The following GLUL variants were observed in gnomAD, a reference collection of about 807,000 sequenced individuals.
The protein encoded by GLUL is glutamate-ammonia ligase.
Under a neutral mutation model 36.9 loss-of-function variants are expected in GLUL, and 8 were observed. That is an observed-to-expected ratio of 0.22 (90% confidence interval 0.13 to 0.39). GLUL has a LOEUF of 0.39. GLUL is among the 10% of genes least tolerant of loss of function. The probability of loss-of-function intolerance (pLI) is 1.00; values close to 1 mark genes in which losing one functional copy is unlikely to be tolerated. For synonymous variants in GLUL, 182 were observed against 172.8 expected (o/e 1.05, Z -0.42); for missense variants, 315 against 501.8 (o/e 0.63, Z 3.56).
Position 182,391,446 on chromosome 1 carries a change from C to G in GLUL, c.-14+233G>C, listed in dbSNP as rs1650413473. ...CAACTCACCCCGCCCTTCCCAGAGC[C>G]TGGCCAAGGGCGCGCCCCACCAGCG... is the stretch of plus-strand genomic sequence containing the variant. On this transcript the variant is annotated intron_variant, in intron 1 of 6. Transcript: ENST00000331872. 8 of 382,602 alleles carry G rather than the reference C, an allele frequency of 2.1e-5. No homozygotes were observed. The South Asian group carries it at 1.2e-3, about 55-fold the overall frequency. The allele number at this position is 382,602 out of a possible 1,614,324, so 23.7% of individuals were successfully genotyped here.
rs1650036899 is a variant in GLUL, at chr1:182,383,697, T to C, written c.*708A>G. On this transcript the variant is annotated 3_prime_UTR_variant, in exon 7 of 7. Transcript: ENST00000331872. ...GTTTTTTCCTTTAGCAAAACACACATAATCCACAAAACCATACATATAGTT... is the reference window on the plus strand; with the variant it reads ...GTTTTTTCCTTTAGCAAAACACACACAATCCACAAAACCATACATATAGTT... 1 of 152,284 alleles carries C rather than the reference T, an allele frequency of 6.6e-6. No homozygotes were observed. The highest frequency in any genetic ancestry group is 6.5e-5 in the Admixed American group (1 of 15,290). The allele number at this position is 152,284 out of a possible 1,614,324, so 9.4% of individuals were successfully genotyped here.
chr1:182,390,675 A>T, intron 1 of GLUL: 2 of 399,244 alleles, frequency 5.0e-6, no homozygotes, highest in Non-Finnish European at 8.8e-6. Flanking sequence ...GTGTCCGAAC[A>T]GGCAGGTTGG....
chr1:182,385,902 G>A lies in GLUL; in HGVS notation c.476-15C>T, dbSNP rs2101932948. The A allele has an allele frequency of 6.2e-7, 1 of 1,612,832 alleles. No homozygotes were observed. Among genetic ancestry groups the A allele is most frequent in the Non-Finnish European group, 8.5e-7 (1 of 1,178,862 alleles). Reference sequence around the variant, plus strand: ...GTAATATGGACCTACAGAAGCATCAGGACAAAACACTAAGAGTCAAGAAAT... The same window carrying A: ...GTAATATGGACCTACAGAAGCATCAAGACAAAACACTAAGAGTCAAGAAAT... On this transcript the variant is annotated splice_polypyrimidine_tract_variant and intron_variant, in intron 4 of 6. Coordinates refer to ENST00000331872, the MANE Select transcript of GLUL (RefSeq NM_001033044.4).
In GLUL at chr1:182,382,229, A is replaced by G. The variant is rs1411669621; in HGVS notation, c.*2176T>C. On this transcript the variant is annotated 3_prime_UTR_variant, in exon 7 of 7. Coordinates refer to ENST00000331872, the MANE Select transcript of GLUL (RefSeq NM_001033044.4). Reference sequence around the variant, plus strand: ...CTAGGTATATGCACAGCATCATGGGAGCCGGAGGGAGCTTTTACCCAACCT... The same window carrying G: ...CTAGGTATATGCACAGCATCATGGGGGCCGGAGGGAGCTTTTACCCAACCT... 1 of 152,194 alleles carries G rather than the reference A, an allele frequency of 6.6e-6. No homozygotes were observed. The highest frequency in any genetic ancestry group is 1.5e-5 in the Non-Finnish European group (1 of 68,054). 9.4% of individuals were successfully genotyped at this position (152,194 alleles called of 1,614,324 possible). A position where few individuals can be genotyped will look rare whatever the true frequency, so the allele number is the denominator to read the frequency against.
rs1266111852 is a variant in GLUL, at chr1:182,388,638, C to T, written c.100G>A (p.Asp34Asn). ...EKVQAMYIWI[D>N]GTGEGLRCKT... ...CAGCGCAGTCCTTCTCCAGTACCAT[C>T]GATCCAGATATACATGGCCTGGACT... The change falls in exon 2 of 7, where the codon GAT (aspartate) becomes AAT (asparagine). Residue 34 changes from aspartate to asparagine, a missense_variant. Coordinates refer to ENST00000331872, the MANE Select transcript of GLUL (RefSeq NM_001033044.4). The T allele has an allele frequency of 6.2e-7, 1 of 1,613,572 alleles. No homozygotes were observed. The highest frequency in any genetic ancestry group is 8.5e-7 in the Non-Finnish European group (1 of 1,179,652).
At position 182,387,128 on chromosome 1, in the gene GLUL, C is replaced by A. The variant is rs1336996233; in HGVS notation, c.328+3G>T. On this transcript the variant is annotated splice_donor_region_variant and intron_variant, in intron 3 of 6. Transcript: ENST00000331872. ...GGGTATCCATAGCTGTGCTATAACACACCTGCAGGCCTTCGATTGTACTTG... is the reference window on the plus strand; with the variant it reads ...GGGTATCCATAGCTGTGCTATAACAAACCTGCAGGCCTTCGATTGTACTTG... 6.2e-7 allele frequency: 1 copy of A among 1,611,514 alleles called. No individual in the cohort carries two copies. The highest frequency in any genetic ancestry group is 1.3e-5 in the African/African-American group (1 of 74,974).
At chr1:182,388,507 A>AGGCTGCT in intron 2 of GLUL, 65 bp downstream of exon 2, 1 of 1,399,274 alleles carries the variant, frequency 7.1e-7, no homozygotes, top group Non-Finnish European at 1.0e-6. Flanking sequence ...GCTGAGTCAA[A>AGGCTGCT]GGCTGCTGCC....
rs1329562226 is a variant in GLUL, at chr1:182,382,923, CT to C, written c.*1481del. The C allele has an allele frequency of 6.6e-6, 1 of 152,026 alleles. No individual in the cohort carries two copies. Among genetic ancestry groups the C allele is most frequent in the African/African-American group, 2.4e-5 (1 of 41,302 alleles). 9.4% of individuals were successfully genotyped at this position (152,026 alleles called of 1,614,324 possible). ...ATGTTAGGCTGATTTATAAGTGCTG[CT>C]TTGGGCAGTTACACAGTTTGTTTAC... On this transcript the variant is annotated 3_prime_UTR_variant, in exon 7 of 7. Coordinates refer to ENST00000331872, the MANE Select transcript of GLUL (RefSeq NM_001033044.4).
chr1:182,384,318 G>A lies in GLUL; in HGVS notation c.*87C>T. 2 of 921,080 alleles carry A rather than the reference G, an allele frequency of 2.2e-6. No individual in the cohort carries two copies. Among genetic ancestry groups the A allele is most frequent in the Non-Finnish European group, 3.5e-6 (2 of 566,652 alleles). 57.1% of individuals were successfully genotyped at this position (921,080 alleles called of 1,614,324 possible). A position where few individuals can be genotyped will look rare whatever the true frequency, so the allele number is the denominator to read the frequency against. Reference sequence around the variant, plus strand: ...ACGACCTTGATATTCCACCCTTTGAGTTACAATCGGGACAACTGGGAGAGG... The same window carrying A: ...ACGACCTTGATATTCCACCCTTTGAATTACAATCGGGACAACTGGGAGAGG... On this transcript the variant is annotated 3_prime_UTR_variant, in exon 7 of 7. Transcript: ENST00000331872.
In GLUL at chr1:182,384,431, C is replaced by T. The variant is rs995971366; in HGVS notation, c.1096G>A (p.Asp366Asn). 10 of 1,613,516 alleles carry T rather than the reference C, an allele frequency of 6.2e-6. No homozygotes were observed. Among genetic ancestry groups the T allele is most frequent in the African/African-American group, 5.3e-5 (4 of 74,886 alleles). ...TAATTTTTGTACTGGAAGGGCTCAT[C>T]GCCGGTTTCATTGAGAAGACACGTG... ...IRTCLLNETG[D>N]EPFQYKN Residue 366 changes from aspartate to asparagine, a missense_variant, in exon 7 of 7, where the codon GAT (aspartate) becomes AAT (asparagine). Around this residue, in one of 3 missense-constraint regions of GLUL, gnomAD observed 58 missense variants for 89.5 expected, o/e 0.65. Coordinates refer to ENST00000331872, the MANE Select transcript of GLUL (RefSeq NM_001033044.4).
chr1:182,390,760 G>C (rs1046675187), intron 1 of GLUL: 1 of 399,036 alleles, frequency 2.5e-6, no homozygotes, highest in African/African-American at 2.1e-5. Context: ...CGAAGCAGCT[G>C]GAGCGCGACC....
intron 1 of GLUL, chr1:182,389,067 T>C: frequency 2.7e-6 from 1 of 364,694 alleles, no homozygotes; most frequent in Admixed American, 3.8e-5. Context: ...CTCACAGGCT[T>C]AAGTTCCACA....
Position 182,384,951 on chromosome 1 carries a change from A to G in GLUL, c.804-228T>C, listed in dbSNP as rs536882115. 5 of 582,588 alleles carry G rather than the reference A, an allele frequency of 8.6e-6. No homozygotes were observed. The South Asian group carries it at 9.9e-5, about 11-fold the overall frequency. 36.1% of individuals were successfully genotyped at this position (582,588 alleles called of 1,614,324 possible). A position where few individuals can be genotyped will look rare whatever the true frequency, so the allele number is the denominator to read the frequency against. On this transcript the variant is annotated intron_variant, in intron 6 of 6. Coordinates refer to ENST00000331872, the MANE Select transcript of GLUL (RefSeq NM_001033044.4). ...AACTTTCTCCCCCTCATAAGCATTA[A>G]GCTTATCCACATGCCTGTATTGTTA...
In GLUL at chr1:182,379,210, G is replaced by C. The variant is rs1031186212; in HGVS notation, c.*5195C>G. On this transcript the variant is annotated 3_prime_UTR_variant, in exon 7 of 7. Coordinates refer to ENST00000331872, the MANE Select transcript of GLUL (RefSeq NM_001033044.4). ...AGTCTTTGGAGTTAAATGATGAACT[G>C]CCACTTATTTATTTATTTATTTGTT... Among the ~76,000 whole-genome samples the C allele has an allele frequency of 1.3e-5, 2 of 151,752 alleles. No individual in the cohort carries two copies. The highest frequency in any genetic ancestry group is 2.9e-5 in the Non-Finnish European group (2 of 67,972).
Position 182,378,148 on chromosome 1 carries a change from A to AG in GLUL, c.*6256dup, listed in dbSNP as rs1649803129. 6.6e-6 allele frequency among the ~76,000 whole-genome samples: 1 copy of AG among 152,246 alleles called. No individual in the cohort carries two copies. Among genetic ancestry groups the AG allele is most frequent in the South Asian group, 2.1e-4 (1 of 4,834 alleles). ...CAAATGCAGAAAGCCTTCAACACAGAGGATAGATTTAGTGACTGAGGGCCC... is the reference window on the plus strand; with the variant it reads ...CAAATGCAGAAAGCCTTCAACACAGAGGGATAGATTTAGTGACTGAGGGCCC... On this transcript the variant is annotated 3_prime_UTR_variant, in exon 7 of 7. Coordinates refer to ENST00000331872, the MANE Select transcript of GLUL (RefSeq NM_001033044.4).
In GLUL at chr1:182,384,067, C is replaced by A. The variant is rs577134853; in HGVS notation, c.*338G>T. The A allele has an allele frequency of 2.4e-5, 8 of 330,658 alleles. No homozygotes were observed. Among genetic ancestry groups the A allele is most frequent in the Non-Finnish European group, 4.1e-5 (7 of 170,684 alleles). The allele number at this position is 330,658 out of a possible 1,614,324, so 20.5% of individuals were successfully genotyped here. On this transcript the variant is annotated 3_prime_UTR_variant, in exon 7 of 7. Coordinates refer to ENST00000331872, the MANE Select transcript of GLUL (RefSeq NM_001033044.4). ...TTCAGCTACCTGGAAGAAGAGACCC[C>A]CTTCTGCAAACGTGCTCTGTCCGGA...
In GLUL at chr1:182,384,915, T is replaced by C. The variant is rs1650106206; in HGVS notation, c.804-192A>G. On this transcript the variant is annotated intron_variant, in intron 6 of 6. Coordinates refer to ENST00000331872, the MANE Select transcript of GLUL (RefSeq NM_001033044.4). ...CAAAGTTACTGTTTGTTGAAAAGACTAATCATTTGAAACTTTCTCCCCCTC... is the reference window on the plus strand; with the variant it reads ...CAAAGTTACTGTTTGTTGAAAAGACCAATCATTTGAAACTTTCTCCCCCTC... 4 of 622,574 alleles carry C rather than the reference T, an allele frequency of 6.4e-6. No individual in the cohort carries two copies. The East Asian group carries it at 1.1e-4, about 17-fold the overall frequency. The allele number at this position is 622,574 out of a possible 1,614,324, so 38.6% of individuals were successfully genotyped here.
intron 3 of GLUL, chr1:182,386,701 C>T: frequency 2.0e-6 from 1 of 493,452 alleles, no homozygotes; most frequent in Non-Finnish European, 3.7e-6. Flanking sequence ...TTCTGGCCAC[C>T]TCCCAAGCAC....
intron 4 of GLUL, 54 bp from the exon 5 acceptor site, chr1:182,385,941 A>C: frequency 6.4e-7 from 1 of 1,573,976 alleles, no homozygotes; most frequent in Admixed American, 1.7e-5. Context: ...GAGAATCCCA[A>C]AGTCAGAGAT....
Sources: allele counts gnomAD v4.1 joint callset (sites outside exome capture counted in the v4.1 genomes callset), GRCh38; gene constraint gnomAD v4.1.1; regional missense constraint gnomAD v4.1.1; transcripts MANE v1.5; gene names NCBI Gene and HGNC (gene_info 2026-07-23, HGNC 2026-07-21).